Variants in DDOST observed in about 807,000 individuals in gnomAD.
The protein encoded by DDOST is dolichyl-diphosphooligosaccharide--protein glycosyltransferase 48 kDa subunit.
DDOST carries 25 observed loss-of-function variants against 47.6 expected under a neutral mutation model. The ratio of observed to expected loss-of-function variants is 0.53; its 90% CI spans 0.38 to 0.73. DDOST has a LOEUF of 0.73. Among genes scored for constraint, DDOST ranks in the 30% least tolerant of loss-of-function variants. The probability of loss-of-function intolerance (pLI) is 0.00; values close to 1 mark genes in which losing one functional copy is unlikely to be tolerated. For synonymous variants in DDOST, 275 were observed against 236.0 expected (o/e 1.17, Z -1.51); for missense variants, 526 against 573.9 (o/e 0.92, Z 0.85).
chr1:20,653,882 G>C, intron 7 of DDOST, 108 bp from the exon 8 acceptor site: 1 of 1,339,198 alleles, frequency 7.5e-7, no homozygotes, highest in Non-Finnish European at 1.0e-6. Flanking sequence ...GCGAAGTTCT[G>C]CCTGTAGGCC....
At chr1:20,654,826 A>C in intron 5 of DDOST, 119 bp from the exon 6 acceptor site, 1 of 692,700 alleles carries the variant, frequency 1.4e-6, no homozygotes. Context: ...CCAACCACTT[A>C]GCTCTTGTCT....
chr1:20,653,525 A>T, intron 8 of DDOST, 102 bp downstream of exon 8: 8 of 1,225,016 alleles, frequency 6.5e-6, no homozygotes, highest in Non-Finnish European at 9.0e-6. Context: ...ATCTTTATTT[A>T]TGCCCTTTAG....
At chr1:20,657,843 G>A (rs1181413740) in intron 2 of DDOST, among the ~76,000 whole-genome samples, 2 of 152,224 alleles carry the variant, frequency 1.3e-5, no homozygotes, top group Non-Finnish European at 2.9e-5. Flanking sequence ...GGAGAGGCCA[G>A]GCAGTCTTGG....
chr1:20,658,708 G>A (rs960217935), intron 2 of DDOST, among the ~76,000 whole-genome samples: 9 of 152,192 alleles, frequency 5.9e-5, no homozygotes, highest in Non-Finnish European at 1.2e-4. Flanking sequence ...GCAGCATCTG[G>A]CTAGAACTTA....
intron 2 of DDOST, among the ~76,000 whole-genome samples, chr1:20,659,715 A>C (rs2053415172): frequency 6.6e-6 from 1 of 152,256 alleles, no homozygotes; most frequent in Non-Finnish European, 1.5e-5. Context: ...AGTAAGTAAC[A>C]GAAGCCTAGG....
chr1:20,654,448 A>C, intron 6 of DDOST, 77 bp from the exon 7 acceptor site: 1 of 1,517,168 alleles, frequency 6.6e-7, no homozygotes, highest in Non-Finnish European at 8.9e-7. Context: ...ACAAGAGGAC[A>C]GCAGGCCAGA....
At chr1:20,656,933 A>C (rs990282430) in intron 2 of DDOST, among the ~76,000 whole-genome samples, 2 of 152,202 alleles carry the variant, frequency 1.3e-5, no homozygotes, top group Non-Finnish European at 2.9e-5. Context: ...CTGATATTCA[A>C]CCTAAGGTAA....
intron 1 of DDOST, 69 bp from the exon 2 acceptor site, chr1:20,661,060 G>T (rs1052427793): frequency 6.8e-6 from 10 of 1,474,656 alleles, no homozygotes; most frequent in Admixed American, 1.8e-5. Context: ...CAGACATCGC[G>T]GACCCGCACG....
intron 8 of DDOST, among the ~76,000 whole-genome samples, chr1:20,653,393 C>T (rs551123654): frequency 1.3e-5 from 2 of 152,354 alleles, no homozygotes; most frequent in South Asian, 4.1e-4. Context: ...GCCCCTCCCA[C>T]TGCTGCCCCC....
Position 20,661,325 on chromosome 1 carries a change from G to C in DDOST, c.26C>G (p.Ala9Gly), listed in dbSNP as rs762816894. ...CAGCAGCAACCAAAAGAGGGCCCAA[G>C]CCCGGGCCGCGGTGCTGGGCTCCAT... The part of the protein sequence containing the change: MEPSTAAR[A>G]WALFWLLLPL... Residue 9 changes from alanine (A) to glycine (G), a missense_variant, in exon 1 of 11, where the codon GCT (alanine) becomes GGT (glycine). Ala to Gly is a moderately conservative substitution (Grantham distance 60). Coordinates refer to ENST00000602624, the MANE Select transcript of DDOST (RefSeq NM_005216.5). 1.2e-6 allele frequency: 2 copies of C among 1,613,544 alleles called. No individual in the cohort carries two copies. Among genetic ancestry groups the C allele is most frequent in the South Asian group, 1.1e-5 (1 of 91,074 alleles).
At position 20,655,786 on chromosome 1, in the gene DDOST, A is replaced by G; in HGVS notation, c.353-7T>C. 6.2e-7 allele frequency: 1 copy of G among 1,611,896 alleles called. No homozygotes were observed. Among genetic ancestry groups the G allele is most frequent in the Non-Finnish European group, 8.5e-7 (1 of 1,178,178 alleles). On this transcript the variant is annotated splice_polypyrimidine_tract_variant and splice_region_variant and intron_variant, in intron 3 of 10. Transcript: ENST00000602624. ...AGCTCTCGAAGAGGGTCACCTGCAC[A>G]GACCGAAGAGACACCTAGCTGAGCC...
In DDOST at chr1:20,652,978, T is replaced by G. The variant is rs756870725; in HGVS notation, c.943-7A>C. The G allele has an allele frequency of 7.4e-6, 12 of 1,614,080 alleles. No individual in the cohort carries two copies. The highest frequency in any genetic ancestry group is 3.3e-4 in the Middle Eastern group (2 of 6,062). ...GGATCACGATGCTATACTCCTGAGA[T>G]AAAAGGCCAGGTTAGCCAGGGCTGG... is the stretch of plus-strand genomic sequence containing the variant. On this transcript the variant is annotated splice_region_variant and splice_polypyrimidine_tract_variant and intron_variant, in intron 8 of 10. Transcript: ENST00000602624.
At chr1:20,656,236 T>C (rs1570416116) in intron 2 of DDOST, 49 bp from the exon 3 acceptor site, 1 of 1,433,116 alleles carries the variant, frequency 7.0e-7, no homozygotes, top group East Asian at 2.3e-5. Context: ...CTCTCCCTGC[T>C]CCTCTGACAC....
chr1:20,655,175 TTTTTTTTTTTTTTTTTTTTTAA>T (rs2053356515), intron 5 of DDOST, among the ~76,000 whole-genome samples: 1 of 113,512 alleles, frequency 8.8e-6, no homozygotes, highest in Non-Finnish European at 2.0e-5. Flanking sequence ...TTTTTTGTTT[TTTTTTTTTTTTTTTTTTTTTAA>T]AGAGAGGAGT....
chr1:20,659,054 C>T (rs751079597), intron 2 of DDOST, among the ~76,000 whole-genome samples: 1 of 151,790 alleles, frequency 6.6e-6, no homozygotes, highest in Non-Finnish European at 1.5e-5. Context: ...GATGAGGTCT[C>T]ACTATGTTGC....
intron 2 of DDOST, among the ~76,000 whole-genome samples, chr1:20,656,465 G>A (rs1039082008): frequency 6.6e-6 from 1 of 152,240 alleles, no homozygotes; most frequent in Non-Finnish European, 1.5e-5. Flanking sequence ...GGTCAAGTAA[G>A]CTGTACACAT....
intron 5 of DDOST, 114 bp from the exon 6 acceptor site, chr1:20,654,821 C>A: frequency 1.4e-6 from 1 of 705,608 alleles, no homozygotes; most frequent in East Asian, 2.7e-5. Flanking sequence ...AATTGCCAAC[C>A]ACTTAGCTCT....
At chr1:20,660,720 G>C (rs1283761567) in intron 2 of DDOST, 161 bp downstream of exon 2, 2 of 588,414 alleles carry the variant, frequency 3.4e-6, no homozygotes, top group East Asian at 2.9e-5. Flanking sequence ...TACCCTCCTA[G>C]GGTCAGGTCA....
intron 9 of DDOST, 21 bp downstream of exon 9, chr1:20,652,830 T>G: frequency 6.2e-7 from 1 of 1,614,048 alleles, no homozygotes; most frequent in African/African-American, 1.3e-5. Flanking sequence ...GGCAGCATCC[T>G]CGTGCAGGAA....
Sources: gnomAD v4.1 joint callset for allele counts (sites outside exome capture counted in the v4.1 genomes callset) on GRCh38, gnomAD v4.1.1 for gene constraint, MANE v1.5 for transcripts, NCBI Gene and HGNC (gene_info 2026-07-23, HGNC 2026-07-21) for gene names.